Variants in FBXW11 observed in about 807,000 individuals in gnomAD.
FBXW11 encodes the protein F-box and WD repeat domain containing 11, also known as F-box/WD repeat-containing protein 11.
FBXW11 carries 19 observed loss-of-function variants against 77.6 expected under a neutral mutation model. That is an observed-to-expected ratio of 0.24 (90% confidence interval 0.17 to 0.36). The LOEUF is 0.36. FBXW11 is among the 10% of genes least tolerant of loss of function. The pLI, the probability that FBXW11 is intolerant of heterozygous loss-of-function variation, is 1.00. For synonymous variants in FBXW11, 235 were observed against 249.4 expected, an observed-to-expected ratio of 0.94 and a Z score of 0.54; for missense variants, 334 against 704.2, an observed-to-expected ratio of 0.47 and a Z score of 5.95.
chr5:171,891,187 T>C lies in FBXW11; in HGVS notation c.852+280A>G, dbSNP rs575715370. On this transcript the variant is annotated intron_variant, in intron 7 of 13. Coordinates refer to ENST00000517395, the MANE Select transcript of FBXW11 (RefSeq NM_001378974.1). Reference sequence around the variant, plus strand: ...CTACCAATACCAGCTGGCAAAGTAATCAAGAGCCCTGTGATACTGGGATAT... The same window carrying C: ...CTACCAATACCAGCTGGCAAAGTAACCAAGAGCCCTGTGATACTGGGATAT... Among the ~76,000 whole-genome samples the C allele has an allele frequency of 2.6e-5, 4 of 152,210 alleles. No homozygotes were observed. The South Asian group carries it at 8.3e-4, about 32-fold the overall frequency.
chr5:171,961,438 C>A (rs763197140), intron 1 of FBXW11, among the ~76,000 whole-genome samples: 1 of 152,210 alleles, frequency 6.6e-6, no homozygotes, highest in Non-Finnish European at 1.5e-5. Context: ...ATCATCTCTA[C>A]TCAACAGAAA....
chr5:171,988,063 A>G (rs1581081877), intron 1 of FBXW11, among the ~76,000 whole-genome samples: 1 of 152,260 alleles, frequency 6.6e-6, no homozygotes, highest in African/African-American at 2.4e-5. Context: ...TTGGAAAATT[A>G]AAAGGCTAAC....
intron 1 of FBXW11, among the ~76,000 whole-genome samples, chr5:171,967,883 T>TATATATATATATATATAC (rs1244744249): frequency 1.3e-4 from 10 of 74,984 alleles, no homozygotes; most frequent in African/African-American, 5.9e-4. Flanking sequence ...TATATATATA[T>TATATATATATATATATAC]ACACACACAC....
chr5:171,868,826 T>C (rs1459485230), intron 12 of FBXW11, 30 bp from the exon 13 acceptor site: 2 of 1,597,432 alleles, frequency 1.3e-6, no homozygotes, highest in Non-Finnish European at 1.7e-6. Context: ...ATGAATAAAA[T>C]GAGATCTTTA....
Position 171,891,592 on chromosome 5 carries a change from T to A in FBXW11, c.727A>T (p.Asn243Tyr). The A allele has an allele frequency of 4.3e-6, 7 of 1,611,000 alleles. No individual in the cohort carries two copies. Among genetic ancestry groups the A allele is most frequent in the Non-Finnish European group, 5.9e-6 (7 of 1,178,920 alleles). ...IIQDIETIES[N>Y]WRCGRHNLQR... is the part of the protein sequence containing the mutation. ...AAGTTGTGTCGTCCACACCGCCAGT[T>A]AGATTCTATAGTCTAGGGAAAAAAG... Residue 243 changes from asparagine (N) to tyrosine (Y), a missense_variant, in exon 7 of 14, where the codon AAC (asparagine) becomes TAC (tyrosine). Coordinates refer to ENST00000517395, the MANE Select transcript of FBXW11 (RefSeq NM_001378974.1).
chr5:171,905,699 G>A (rs1760464782), intron 4 of FBXW11, among the ~76,000 whole-genome samples: 1 of 150,630 alleles, frequency 6.6e-6, no homozygotes, highest in Non-Finnish European at 1.5e-5. Context: ...CCACCCTCAG[G>A]AGCCATGCAG....
In FBXW11 at chr5:171,868,809, A is replaced by G. The variant is rs200224421; in HGVS notation, c.1531-13T>C. The stretch of plus-strand genomic sequence containing the variant: ...GTCCAGAATGTTCCTATGAAATACA[A>G]AACTTCATGAATAAAATGAGATCTT... On this transcript the variant is annotated splice_polypyrimidine_tract_variant and intron_variant, in intron 12 of 13. Transcript: ENST00000517395. 17 of 1,605,940 alleles carry G rather than the reference A, an allele frequency of 1.1e-5. No individual in the cohort carries two copies. In the East Asian group the frequency reaches 3.8e-4, roughly 36 times the overall value.
At position 171,940,108 on chromosome 5, in the gene FBXW11, A is replaced by G. The variant is rs570963765; in HGVS notation, c.147+17489T>C. Among the ~76,000 whole-genome samples, 6 of 152,256 alleles carry G rather than the reference A, an allele frequency of 3.9e-5. No individual in the cohort carries two copies. The East Asian group carries it at 1.2e-3, about 29-fold the overall frequency. ...ATCCTAGGTTGATTGAATCCATGGAATGCGGAGGGCCCACTGTAATTCTAA... is the reference window on the plus strand; with the variant it reads ...ATCCTAGGTTGATTGAATCCATGGAGTGCGGAGGGCCCACTGTAATTCTAA... On this transcript the variant is annotated intron_variant, in intron 2 of 13. Transcript: ENST00000517395.
At chr5:171,977,867 G>A (rs1764926300) in intron 1 of FBXW11, 1 of 207,242 alleles carries the variant, frequency 4.8e-6, no homozygotes, top group Non-Finnish European at 1.0e-5. Context: ...CAACACATGG[G>A]AATTCAAGAT....
At chr5:172,000,344 T>C (rs1037865222) in intron 1 of FBXW11, among the ~76,000 whole-genome samples, 5 of 152,194 alleles carry the variant, frequency 3.3e-5, no homozygotes, top group African/African-American at 1.2e-4. Flanking sequence ...ACCAGTCTCT[T>C]TCTGTCAGGA....
intron 1 of FBXW11, among the ~76,000 whole-genome samples, chr5:171,962,456 T>C (rs1370795281): frequency 6.6e-6 from 1 of 152,230 alleles, no homozygotes; most frequent in Non-Finnish European, 1.5e-5. Flanking sequence ...TATTAACAGC[T>C]AATACCTAAT....
rs1012702269 is a variant in FBXW11 at position 171,881,109 on chromosome 5, T to C, written c.853-2980A>G. ...CGGCAAACTTGCTATAATCATTTAT[T>C]AGTTCTAGGAGGTTTTTTTTGTTGA... On this transcript the variant is annotated intron_variant, in intron 7 of 13. Coordinates refer to ENST00000517395, the MANE Select transcript of FBXW11 (RefSeq NM_001378974.1). Among the ~76,000 whole-genome samples, 12 of 152,324 alleles carry C rather than the reference T, an allele frequency of 7.9e-5. 1 individual carries two copies. Among genetic ancestry groups the C allele is most frequent in the Admixed American group, 3.9e-4 (6 of 15,302 alleles).
At chr5:171,983,613 T>A (rs1392879608) in intron 1 of FBXW11, among the ~76,000 whole-genome samples, 1 of 152,134 alleles carries the variant, frequency 6.6e-6, no homozygotes, top group Non-Finnish European at 1.5e-5. Context: ...CAGAACTGAT[T>A]GCTCACTAGT....
At chr5:171,884,646 T>G (rs1004637312) in intron 7 of FBXW11, among the ~76,000 whole-genome samples, 1 of 152,220 alleles carries the variant, frequency 6.6e-6, no homozygotes, top group African/African-American at 2.4e-5. Context: ...GGGACTGCAT[T>G]GAATTTGTAG....
At chr5:171,870,881 G>T in intron 10 of FBXW11, 23 bp from the exon 11 acceptor site, 1 of 1,548,452 alleles carries the variant, frequency 6.5e-7, no homozygotes, top group Non-Finnish European at 8.9e-7. Flanking sequence ...ACAGACCTCT[G>T]TGAAACAAAT....
intron 6 of FBXW11, 48 bp from the exon 7 acceptor site, chr5:171,891,652 T>A (rs753105122): frequency 7.0e-6 from 11 of 1,581,118 alleles, no homozygotes; most frequent in Non-Finnish European, 9.4e-6. Context: ...ATCAACTTAC[T>A]CTATTAGGTT....
chr5:171,958,716 A>G (rs1763744699), intron 1 of FBXW11, among the ~76,000 whole-genome samples: 1 of 152,236 alleles, frequency 6.6e-6, no homozygotes, highest in Non-Finnish European at 1.5e-5. Context: ...GTTAATAACC[A>G]TTAGACCATA....
At chr5:172,004,315 G>C (rs891009522) in intron 1 of FBXW11, among the ~76,000 whole-genome samples, 1 of 152,136 alleles carries the variant, frequency 6.6e-6, no homozygotes, top group African/African-American at 2.4e-5. Context: ...TAAATAAAAG[G>C]CCATTTTAAA....
chr5:171,930,696 C>A (rs180989933), intron 2 of FBXW11, among the ~76,000 whole-genome samples: 2 of 141,800 alleles, frequency 1.4e-5, no homozygotes, highest in East Asian at 4.1e-4. Context: ...TCCCCCTCTG[C>A]GAGAAACACC....
Sources: allele counts gnomAD v4.1 joint callset (sites outside exome capture counted in the v4.1 genomes callset), GRCh38; gene constraint gnomAD v4.1.1; transcripts MANE v1.5; gene names NCBI Gene and HGNC (gene_info 2026-07-23, HGNC 2026-07-21).